TEX11: variants seen among roughly 807,000 people sequenced by gnomAD.
TEX11 encodes testis-expressed protein 11.
TEX11 carries 7 observed loss-of-function variants against 84.4 expected under a neutral mutation model. That is an observed-to-expected ratio of 0.08 (90% CI 0.05 to 0.16). The LOEUF (loss-of-function observed/expected upper bound fraction) is 0.16. TEX11 is among the 10% of genes least tolerant of loss of function. The probability of loss-of-function intolerance (pLI) is 1.00; values close to 1 mark genes in which losing one functional copy is unlikely to be tolerated. For missense variants in TEX11, 551 were observed against 660.5 expected (o/e 0.83, Z 1.82); for synonymous variants, 264 against 222.8 (o/e 1.18, Z -1.64).
chrX:70,805,994 T>C (rs1157203400), intron 9 of TEX11, among the ~76,000 whole-genome samples: 1 of 111,921 alleles, frequency 8.9e-6, no homozygotes, highest in African/African-American at 3.2e-5. Flanking sequence ...CCAAAATTCA[T>C]CTAAGACTAA....
chrX:70,897,126 C>T (rs937484542), intron 2 of TEX11, among the ~76,000 whole-genome samples: 2 of 32,435 alleles, frequency 6.2e-5, no homozygotes, highest in South Asian at 1.3e-3. Flanking sequence ...AGTAAGACTC[C>T]GTCTCAAAAA....
intron 20 of TEX11, among the ~76,000 whole-genome samples, chrX:70,621,508 G>GA (rs1281012326): frequency 6.7e-5 from 3 of 45,088 alleles, no homozygotes; most frequent in Admixed American, 3.9e-4. Flanking sequence ...GCGAAAGAGT[G>GA]AAACTCGGTC....
chrX:70,616,187 A>G (rs1043137922), intron 20 of TEX11, among the ~76,000 whole-genome samples: 3 of 111,744 alleles, frequency 2.7e-5, no homozygotes, highest in Non-Finnish European at 5.6e-5. Flanking sequence ...AGAAAAACTA[A>G]AAGTAAAAGA....
chrX:70,694,661 A>C (rs1440457387), intron 13 of TEX11, among the ~76,000 whole-genome samples: 1 of 112,122 alleles, frequency 8.9e-6, no homozygotes, highest in Non-Finnish European at 1.9e-5. Flanking sequence ...GAAAATTTAA[A>C]TACATAGCAC....
chrX:70,807,435 A>G (rs774238699), intron 8 of TEX11, among the ~76,000 whole-genome samples: 2 of 112,098 alleles, frequency 1.8e-5, no homozygotes, highest in Non-Finnish European at 3.8e-5. Context: ...ATGTTGCCTT[A>G]GGAATCAGCA....
chrX:70,547,935 C>T (rs1213794768), intron 28 of TEX11, among the ~76,000 whole-genome samples: 5 of 111,821 alleles, frequency 4.5e-5, no homozygotes, highest in African/African-American at 6.5e-5. Context: ...ACCCAAAGGG[C>T]TATAAATCAT....
intron 4 of TEX11, among the ~76,000 whole-genome samples, chrX:70,871,119 G>T (rs891215790): frequency 8.0e-5 from 9 of 112,146 alleles, no homozygotes; most frequent in African/African-American, 2.9e-4. Flanking sequence ...CACTACGTTG[G>T]CCAGGCTGGT....
intron 9 of TEX11, among the ~76,000 whole-genome samples, chrX:70,766,425 A>G (rs970500981): frequency 1.8e-5 from 2 of 110,111 alleles, no homozygotes; most frequent in South Asian, 3.9e-4. Context: ...AAAAGAAAAA[A>G]AAAAGAAAGA....
chrX:70,660,933 A>C (rs913437802), intron 16 of TEX11, among the ~76,000 whole-genome samples: 2 of 111,806 alleles, frequency 1.8e-5, no homozygotes, highest in African/African-American at 6.5e-5. Flanking sequence ...TCCAGTCTAC[A>C]GCTCCCAGTG....
chrX:70,750,921 T>TAAAAA (rs1181422597), intron 9 of TEX11, among the ~76,000 whole-genome samples: 14 of 35,347 alleles, frequency 4.0e-4, no homozygotes, highest in African/African-American at 1.2e-3. Context: ...TAAAGTATAA[T>TAAAAA]AAAAAAAAAA....
intron 15 of TEX11, among the ~76,000 whole-genome samples, chrX:70,677,271 T>C (rs1479751199): frequency 8.9e-6 from 1 of 111,875 alleles, no homozygotes; most frequent in Non-Finnish European, 1.9e-5. Flanking sequence ...GAGCAGGACT[T>C]AGTGTAGGAC....
chrX:70,666,704 GA>G (rs756782746), intron 16 of TEX11, among the ~76,000 whole-genome samples: 2 of 111,686 alleles, frequency 1.8e-5, no homozygotes, highest in East Asian at 5.6e-4. Context: ...AACAGACTAA[GA>G]CACCACTACT....
intron 13 of TEX11, 49 bp from the exon 14 acceptor site, chrX:70,682,874 A>G: frequency 8.7e-7 from 1 of 1,144,426 alleles, no homozygotes; most frequent in Non-Finnish European, 1.2e-6. Context: ...AAAACTGGTT[A>G]TTGATCAATG....
chrX:70,549,628 A>G (rs2088186663), intron 28 of TEX11, among the ~76,000 whole-genome samples: 1 of 111,821 alleles, frequency 8.9e-6, no homozygotes, highest in Non-Finnish European at 1.9e-5. Context: ...GCAGTAGCCC[A>G]GCAGAACTCC....
chrX:70,711,652 T>A (rs1432912746), intron 13 of TEX11, among the ~76,000 whole-genome samples: 7 of 112,151 alleles, frequency 6.2e-5, no homozygotes, highest in Non-Finnish European at 1.1e-4. Context: ...TTTTTTCTTG[T>A]AAATTTGTTT....
At chrX:70,578,231 T>C (rs905673847) in intron 25 of TEX11, among the ~76,000 whole-genome samples, 5 of 112,147 alleles carry the variant, frequency 4.5e-5, no homozygotes, top group Non-Finnish European at 9.4e-5. Flanking sequence ...TTATGTTTTG[T>C]TTTAGTTTCT....
At chrX:70,690,624 T>TACAG (rs2090226424) in intron 13 of TEX11, among the ~76,000 whole-genome samples, 1 of 111,302 alleles carries the variant, frequency 9.0e-6, no homozygotes, top group African/African-American at 3.3e-5. Flanking sequence ...GAAGATCACT[T>TACAG]GAGTCCAGGA....
chrX:70,842,166 G>A (rs988682764), intron 7 of TEX11, among the ~76,000 whole-genome samples: 12 of 111,086 alleles, frequency 1.1e-4, no homozygotes, highest in African/African-American at 3.9e-4. Context: ...AAGCCTGGCA[G>A]AGACACAACA....
At chrX:70,539,207 G>A (rs1039649761) in intron 28 of TEX11, among the ~76,000 whole-genome samples, 1 of 105,805 alleles carries the variant, frequency 9.5e-6, no homozygotes, top group Non-Finnish European at 1.9e-5. Context: ...GCTAACTTTT[G>A]TAATTTTAGT....
Sources: gnomAD v4.1 joint callset for allele counts (sites outside exome capture counted in the v4.1 genomes callset) on GRCh38, gnomAD v4.1.1 for gene constraint, MANE v1.5 for transcripts, NCBI Gene and HGNC (gene_info 2026-07-23, HGNC 2026-07-21) for gene names.